Variants in UXT observed in about 807,000 individuals in gnomAD.
UXT encodes protein UXT.
For missense variants in UXT, 111 were observed against 132.7 expected, an observed-to-expected ratio of 0.84 and a Z score of 0.80; for synonymous variants, 54 against 52.8, an observed-to-expected ratio of 1.02 and a Z score of -0.10.
At chrX:47,652,943 A>G (rs1309410826) in intron 4 of UXT, among the ~76,000 whole-genome samples, 1 of 112,213 alleles carries the variant, frequency 8.9e-6, no homozygotes, top group African/African-American at 3.2e-5. Context: ...TAATTGATAT[A>G]AAGGGTCAAG....
At chrX:47,658,524 G>A (rs920902153) in intron 1 of UXT, among the ~76,000 whole-genome samples, 1 of 112,098 alleles carries the variant, frequency 8.9e-6, no homozygotes, top group African/African-American at 3.2e-5. Flanking sequence ...GAAAGGCGAG[G>A]TAGGACGTAT....
rs767457263 is a variant in UXT, at chrX:47,659,106, G to A, written c.-143C>T. 2.9e-5 allele frequency: 27 copies of A among 932,764 alleles called. No homozygotes were observed. The African/African-American group carries it at 4.4e-4, about 15-fold the overall frequency. 76.9% of individuals were successfully genotyped at this position (932,764 alleles called of 1,213,427 possible). ...CGACCACCCAGGGACACCCAAGCGC[G>A]GCCTTTACCTCAGGCCGCCAGCAAT... On this transcript the variant is annotated 5_prime_UTR_variant, in exon 1 of 6. Coordinates refer to ENST00000335890, the MANE Select transcript of UXT (RefSeq NM_153477.3).
intron 1 of UXT, 23 bp downstream of exon 2, chrX:47,658,807 C>T (rs769769818): frequency 6.2e-6 from 7 of 1,127,603 alleles, no homozygotes; most frequent in Admixed American, 3.1e-5. Flanking sequence ...TCCAAACGCC[C>T]CGCCCCCCGC....
At chrX:47,658,240 C>T (rs772626744) in intron 1 of UXT, among the ~76,000 whole-genome samples, 1 of 111,812 alleles carries the variant, frequency 8.9e-6, no homozygotes, top group South Asian at 3.7e-4. Context: ...ACTCCCAATA[C>T]TGAACTCCAA....
chrX:47,658,184 A>G (rs1235739327), intron 1 of UXT, among the ~76,000 whole-genome samples: 2 of 111,276 alleles, frequency 1.8e-5, no homozygotes, highest in African/African-American at 6.6e-5. Context: ...TGCTTATCAA[A>G]TGGTAAACTC....
At chrX:47,658,016 G>A (rs1328922836) in intron 1 of UXT, among the ~76,000 whole-genome samples, 153 bp from the exon 3 acceptor site, 2 of 110,502 alleles carry the variant, frequency 1.8e-5, no homozygotes, top group African/African-American at 6.6e-5. Context: ...AGACTGCCTG[G>A]GTTTGGATCT....
chrX:47,658,695 A>G, intron 1 of UXT, 135 bp downstream of exon 2: 1 of 912,913 alleles, frequency 1.1e-6, no homozygotes, highest in Non-Finnish European at 1.4e-6. Flanking sequence ...TGTCGTCCCC[A>G]CTTCTCGCTC....
chrX:47,653,563 T>C (rs1429380210), intron 4 of UXT, among the ~76,000 whole-genome samples: 1 of 111,869 alleles, frequency 8.9e-6, no homozygotes, highest in East Asian at 2.8e-4. Flanking sequence ...TCACATCCAG[T>C]CAGCCATTCT....
chrX:47,658,903 C>A lies in UXT; in HGVS notation c.61G>T (p.Ala21Ser). 1 of 1,187,397 alleles carries A rather than the reference C, an allele frequency of 8.4e-7. No homozygotes were observed. Among genetic ancestry groups the A allele is most frequent in the African/African-American group, 1.7e-5 (1 of 57,488 alleles). The change falls in exon 1 of 6, where the codon GCG (alanine) becomes TCG (serine). Residue 21 changes from alanine (A) to serine (S), a missense_variant. Coordinates refer to ENST00000335890, the MANE Select transcript of UXT (RefSeq NM_153477.3). ...ACTTTCTCCCCCGTGGCCTCCACCG[C>A]CCGCCGCTTAGGGGGCGTCGCCATG...
intron 4 of UXT, among the ~76,000 whole-genome samples, chrX:47,653,014 G>A (rs2058072780): frequency 8.9e-6 from 1 of 111,952 alleles, no homozygotes; most frequent in African/African-American, 3.2e-5. Flanking sequence ...TGGTTAAGCA[G>A]TAGGAAGGCC....
At chrX:47,657,420 C>G (rs185773382) in intron 3 of UXT, 130 bp from the exon 5 acceptor site, 2 of 799,758 alleles carry the variant, frequency 2.5e-6, no homozygotes, top group Admixed American at 6.0e-5. Context: ...ATTTTATTCA[C>G]TGTCACATCC....
At chrX:47,653,637 T>C (rs1437648856) in intron 4 of UXT, among the ~76,000 whole-genome samples, 1 of 112,377 alleles carries the variant, frequency 8.9e-6, no homozygotes, top group African/African-American at 3.2e-5. Flanking sequence ...GCTTTCTCCA[T>C]AGCACTGTCA....
At chrX:47,656,870 A>G (rs1230221913) in intron 4 of UXT, among the ~76,000 whole-genome samples, 2 of 112,313 alleles carry the variant, frequency 1.8e-5, no homozygotes, top group African/African-American at 6.5e-5. Context: ...GTATAACAGT[A>G]TAGTCCTTCT....
chrX:47,657,003 C>A, intron 4 of UXT, 180 bp downstream of exon 5: 3 of 431,353 alleles, frequency 7.0e-6, no homozygotes, highest in Non-Finnish European at 8.1e-6. Context: ...ATACAAAGAT[C>A]ATTTTTTGAG....
intron 4 of UXT, among the ~76,000 whole-genome samples, chrX:47,654,345 T>G (rs950468765): frequency 2.7e-5 from 3 of 109,577 alleles, no homozygotes; most frequent in African/African-American, 1.0e-4. Context: ...TAGCTGGGAT[T>G]ACAGGCGCCT....
At position 47,651,906 on chromosome X, in the gene UXT, G is replaced by T; in HGVS notation, c.457-11C>A. On this transcript the variant is annotated splice_polypyrimidine_tract_variant and intron_variant, in intron 5 of 5. Transcript: ENST00000335890. ...TAGTTCTCTAAGCCCCTGAAAAAGA[G>T]GACAGAAGAGATTGAACAAAGACTG... The T allele has an allele frequency of 8.3e-7, 1 of 1,210,186 alleles. No homozygotes were observed. Among genetic ancestry groups the T allele is most frequent in the Admixed American group, 2.2e-5 (1 of 45,862 alleles).
At chrX:47,652,548 C>T (rs938045061) in intron 4 of UXT, among the ~76,000 whole-genome samples, 3 of 112,208 alleles carry the variant, frequency 2.7e-5, no homozygotes, top group Admixed American at 9.4e-5. Context: ...GATGGCTTCA[C>T]GGAGAAGCAT....
Position 47,651,869 on chromosome X carries a change from C to A in UXT, c.483G>T (p.Gln161His), listed in dbSNP as rs141089613. The change falls in exon 6 of 6, where the codon CAG (glutamine) becomes CAT (histidine). Residue 161 changes from glutamine (Q) to histidine (H), a missense_variant. By Grantham distance (24) the Gln-to-His change is conservative. Coordinates refer to ENST00000335890, the MANE Select transcript of UXT (RefSeq NM_153477.3). ...AATGGTGAGGCTTCTCTGGGAAATT[C>A]TGCAGGCCTTGTAGTTCTCTAAGCC... 2 of 1,210,268 alleles carry A rather than the reference C, an allele frequency of 1.7e-6. No homozygotes were observed. Among genetic ancestry groups the A allele is most frequent in the African/African-American group, 3.5e-5 (2 of 57,335 alleles).
chrX:47,658,626 C>T (rs2058091932), intron 1 of UXT, among the ~76,000 whole-genome samples: 1 of 112,510 alleles, frequency 8.9e-6, no homozygotes, highest in Non-Finnish European at 1.9e-5. Flanking sequence ...TCGGAGGCCG[C>T]GCATGCGCTG....
Sources: gnomAD v4.1 joint callset for allele counts (sites outside exome capture counted in the v4.1 genomes callset) on GRCh38, gnomAD v4.1.1 for gene constraint, MANE v1.5 for transcripts, NCBI Gene and HGNC (gene_info 2026-07-23, HGNC 2026-07-21) for gene names.